The following AUTS2 variants were observed in gnomAD, a reference collection of about 807,000 sequenced individuals.
AUTS2 encodes autism susceptibility gene 2 protein.
AUTS2 carries 17 observed loss-of-function variants against 112.4 expected under a neutral mutation model. That is an observed-to-expected ratio of 0.15 (90% CI 0.10 to 0.23). The LOEUF is 0.23. Among genes scored for constraint, AUTS2 ranks in the 10% least tolerant of loss-of-function variants. The pLI is 1.00. For synonymous variants in AUTS2, 751 were observed against 702.7 expected, an observed-to-expected ratio of 1.07 and a Z score of -1.09; for missense variants, 1,510 against 1,701.6, an observed-to-expected ratio of 0.89 and a Z score of 1.98.
intron 1 of AUTS2, among the ~76,000 whole-genome samples, chr7:69,738,544 T>A (rs1672703612): frequency 6.6e-6 from 1 of 152,138 alleles, no homozygotes. Flanking sequence ...GGGTAAACAT[T>A]TAAGCCTGTG....
At chr7:70,691,220 C>G (rs576382240) in intron 5 of AUTS2, among the ~76,000 whole-genome samples, 54 of 152,192 alleles carry the variant, frequency 3.5e-4, no homozygotes, top group South Asian at 8.3e-4. Flanking sequence ...CATTCTTGCT[C>G]TCTGCTTTCT....
In AUTS2 at chr7:70,771,442, G is replaced by A. The variant is rs545469740; in HGVS notation, c.1735-107G>A. The A allele has an allele frequency of 8.1e-5, 68 of 837,560 alleles. No homozygotes were observed. The South Asian group carries it at 8.3e-4, about 10-fold the overall frequency. 51.9% of individuals were successfully genotyped at this position (837,560 alleles called of 1,614,324 possible). On this transcript the variant is annotated intron_variant, in intron 10 of 18. Coordinates refer to ENST00000342771, the MANE Select transcript of AUTS2 (RefSeq NM_015570.4). The stretch of plus-strand genomic sequence containing the variant: ...TTCTTGACTAATGGCATCAAACTGA[G>A]ATTACGTGGCTTGCTCATGTCGATG...
At chr7:70,331,840 A>G (rs573562871) in intron 4 of AUTS2, among the ~76,000 whole-genome samples, 1 of 152,342 alleles carries the variant, frequency 6.6e-6, no homozygotes, top group Admixed American at 6.5e-5. Flanking sequence ...AAAGCTATTT[A>G]TGACAGACCC....
At chr7:70,435,910 G>A in intron 5 of AUTS2, 129 bp downstream of exon 5, 1 of 939,306 alleles carries the variant, frequency 1.1e-6, no homozygotes, top group Non-Finnish European at 1.7e-6. Flanking sequence ...AGGAAAGATG[G>A]GCATTATTCA....
intron 1 of AUTS2, among the ~76,000 whole-genome samples, chr7:69,891,096 A>T (rs1416025172): frequency 2.0e-5 from 3 of 152,140 alleles, no homozygotes. Flanking sequence ...GACAGCGAAC[A>T]TGTTCACCCC....
At chr7:70,614,491 C>A (rs917067771) in intron 5 of AUTS2, among the ~76,000 whole-genome samples, 1 of 152,124 alleles carries the variant, frequency 6.6e-6, no homozygotes, top group African/African-American at 2.4e-5. Flanking sequence ...GTGGGGGTTT[C>A]TTTTTGCTGT....
chr7:69,659,226 T>A (rs1795675637), intron 1 of AUTS2, among the ~76,000 whole-genome samples: 1 of 152,120 alleles, frequency 6.6e-6, no homozygotes, highest in Admixed American at 6.5e-5. Flanking sequence ...CTGCTGGGGT[T>A]TGAGGGAGTA....
At chr7:70,249,503 G>A (rs971481494) in intron 4 of AUTS2, among the ~76,000 whole-genome samples, 5 of 152,116 alleles carry the variant, frequency 3.3e-5, no homozygotes, top group African/African-American at 9.7e-5. Flanking sequence ...CTATGATTCA[G>A]TAGGTCAGCA....
At chr7:69,944,946 G>A (rs1277020950) in intron 2 of AUTS2, among the ~76,000 whole-genome samples, 2 of 152,120 alleles carry the variant, frequency 1.3e-5, no homozygotes. Context: ...GCAGTTGTAT[G>A]TAGGTAAAAA....
At position 70,764,991 on chromosome 7, in the gene AUTS2, G is replaced by C. The variant is rs780131403; in HGVS notation, c.1454G>C (p.Gly485Ala). 1 of 1,613,802 alleles carries C rather than the reference G, an allele frequency of 6.2e-7. No individual in the cohort carries two copies. Among genetic ancestry groups the C allele is most frequent in the South Asian group, 1.1e-5 (1 of 91,060 alleles). Residue 485 changes from glycine (G) to alanine (A), a missense_variant, in exon 8 of 19, where the codon GGG becomes GCG. Transcript: ENST00000342771. Reference sequence around the variant, plus strand: ...CTGCAGGTGGCCGGACACCCGGCCGGGAGCACTTACTCAGGTAGGACGGAG... The same window carrying C: ...CTGCAGGTGGCCGGACACCCGGCCGCGAGCACTTACTCAGGTAGGACGGAG... The part of the protein sequence containing the change: ...GSLQVAGHPA[G>A]STYSEQDILR...
intron 2 of AUTS2, among the ~76,000 whole-genome samples, chr7:69,904,108 T>C (rs1308236209): frequency 1.3e-5 from 2 of 152,210 alleles, no homozygotes; most frequent in Non-Finnish European, 2.9e-5. Flanking sequence ...TACCTTGGTC[T>C]TCCTTGGAGT....
intron 2 of AUTS2, among the ~76,000 whole-genome samples, chr7:69,938,709 C>CT (rs1450471635): frequency 6.6e-6 from 1 of 152,096 alleles, no homozygotes; most frequent in Non-Finnish European, 1.5e-5. Context: ...GGAGAAGTGG[C>CT]TAAGTGTCTT....
chr7:70,676,029 C>A (rs991258919), intron 5 of AUTS2, among the ~76,000 whole-genome samples: 11 of 152,280 alleles, frequency 7.2e-5, no homozygotes, highest in African/African-American at 2.6e-4. Flanking sequence ...TTCTTTCTAC[C>A]TGTGTTTCTT....
chr7:70,617,320 G>C (rs969207701), intron 5 of AUTS2, among the ~76,000 whole-genome samples: 10 of 152,132 alleles, frequency 6.6e-5, no homozygotes, highest in African/African-American at 1.7e-4. Flanking sequence ...GGAGTCCAAC[G>C]GTTAGTGGGA....
chr7:70,448,633 A>T (rs931072974), intron 5 of AUTS2, among the ~76,000 whole-genome samples: 1 of 152,242 alleles, frequency 6.6e-6, no homozygotes, highest in Non-Finnish European at 1.5e-5. Context: ...GTCGTTTAGA[A>T]TGCAGCAATA....
chr7:70,131,183 G>A (rs1020567801), intron 3 of AUTS2, among the ~76,000 whole-genome samples: 12 of 152,018 alleles, frequency 7.9e-5, no homozygotes, highest in Admixed American at 2.0e-4. Context: ...TTGGCACGGC[G>A]CCTCATGCCT....
intron 5 of AUTS2, among the ~76,000 whole-genome samples, chr7:70,521,013 AC>A (rs1799621661): frequency 6.6e-6 from 1 of 151,632 alleles, no homozygotes; most frequent in Admixed American, 6.6e-5. Flanking sequence ...TTCCCACCCC[AC>A]CCCGAATTAG....
Position 69,816,427 on chromosome 7 carries a change from T to C in AUTS2, c.310-82859T>C, listed in dbSNP as rs183654417. On this transcript the variant is annotated intron_variant, in intron 1 of 18. Coordinates refer to ENST00000342771, the MANE Select transcript of AUTS2 (RefSeq NM_015570.4). ...CGGAGCTGAAACACATGCGGAATCT[T>C]GTTGGTTGAGGGCTGGAAACGAAGG... is the stretch of plus-strand genomic sequence containing the variant. Among the ~76,000 whole-genome samples, 14 of 152,230 alleles carry C rather than the reference T, an allele frequency of 9.2e-5. No homozygotes were observed. The East Asian group carries it at 2.5e-3, about 27-fold the overall frequency.
At chr7:70,387,076 G>A (rs753593411) in intron 4 of AUTS2, among the ~76,000 whole-genome samples, 6 of 151,968 alleles carry the variant, frequency 3.9e-5, no homozygotes, top group Admixed American at 6.6e-5. Flanking sequence ...AATACTCCAC[G>A]TTCACACTTT....
Sources: allele counts gnomAD v4.1 joint callset (sites outside exome capture counted in the v4.1 genomes callset), GRCh38; gene constraint gnomAD v4.1.1; transcripts MANE v1.5; gene names NCBI Gene and HGNC (gene_info 2026-07-23, HGNC 2026-07-21).